The following GALNT13 variants were observed in gnomAD, a reference collection of about 807,000 sequenced individuals.
GALNT13 encodes polypeptide N-acetylgalactosaminyltransferase 13.
In GALNT13, 28 loss-of-function variants were observed where a neutral mutation model predicts 64.2. The ratio of observed to expected loss-of-function variants is 0.44; its 90% CI spans 0.32 to 0.60. The LOEUF is 0.60. GALNT13 is among the 20% of genes least tolerant of loss of function. The pLI is 0.05. For missense variants in GALNT13, 577 were observed against 669.8 expected (o/e 0.86, Z 1.53); for synonymous variants, 214 against 224.6 (o/e 0.95, Z 0.42).
chr2:154,318,188 TATG>T (rs1169697061), intron 9 of GALNT13, among the ~76,000 whole-genome samples: 4 of 151,616 alleles, frequency 2.6e-5, no homozygotes, highest in African/African-American at 7.3e-5. Flanking sequence ...TCCCTGGCTT[TATG>T]ATAATAAGAA....
the GALNT13 span, among the ~76,000 whole-genome samples, chr2:153,630,527 T>C: frequency 6.6e-4 from 94 of 142,090 alleles, no homozygotes; most frequent in African/African-American, 2.2e-3. Context: ...AGGGATAGCA[T>C]TGGGAGATAT....
the GALNT13 span, among the ~76,000 whole-genome samples, chr2:153,134,195 T>A: frequency 6.6e-6 from 1 of 152,188 alleles, no homozygotes; most frequent in Non-Finnish European, 1.5e-5. Flanking sequence ...AGTTAAAAGT[T>A]ATCTCAAATC....
the GALNT13 span, among the ~76,000 whole-genome samples, chr2:153,402,422 C>CA: frequency 1.3e-5 from 2 of 151,408 alleles, no homozygotes; most frequent in African/African-American, 4.9e-5. Context: ...TTGCTCTTCT[C>CA]AAGGAGTATC....
the GALNT13 span, among the ~76,000 whole-genome samples, chr2:153,163,261 G>A: frequency 1.3e-5 from 2 of 152,118 alleles, no homozygotes; most frequent in Non-Finnish European, 2.9e-5. Flanking sequence ...AACCACCAGG[G>A]GGTAGTCTGG....
At chr2:154,117,030 C>A (rs1681609102) in intron 3 of GALNT13, among the ~76,000 whole-genome samples, 1 of 152,134 alleles carries the variant, frequency 6.6e-6, no homozygotes, top group Non-Finnish European at 1.5e-5. Flanking sequence ...GTCCGATGTT[C>A]AAGGGCAGGA....
At chr2:153,232,475 A>G in the GALNT13 span, among the ~76,000 whole-genome samples, 4 of 152,152 alleles carry the variant, frequency 2.6e-5, no homozygotes, top group African/African-American at 9.7e-5. Context: ...TTTAGAACAC[A>G]CTCACCACAG....
intron 9 of GALNT13, among the ~76,000 whole-genome samples, chr2:154,317,813 A>C (rs551670720): frequency 3.2e-3 from 481 of 152,250 alleles, no homozygotes; most frequent in Non-Finnish European, 5.7e-3. Flanking sequence ...CATTGAGCAC[A>C]CTGACCCTGG....
intron 3 of GALNT13, among the ~76,000 whole-genome samples, chr2:153,970,931 C>T (rs1693694145): frequency 6.6e-6 from 1 of 152,134 alleles, no homozygotes; most frequent in African/African-American, 2.4e-5. Context: ...TCTTTGCTAG[C>T]TCCCCAATAC....
At chr2:153,624,944 G>A in the GALNT13 span, among the ~76,000 whole-genome samples, 16 of 152,030 alleles carry the variant, frequency 1.1e-4, no homozygotes, top group South Asian at 1.2e-3. Flanking sequence ...CAATACTGGC[G>A]TTTTGAGTTG....
At chr2:153,669,480 G>T in the GALNT13 span, among the ~76,000 whole-genome samples, 5 of 152,062 alleles carry the variant, frequency 3.3e-5, no homozygotes, top group Admixed American at 6.5e-5. Context: ...AAACAAACCT[G>T]CACATGTATC....
At chr2:154,069,324 A>T (rs914002015) in intron 3 of GALNT13, among the ~76,000 whole-genome samples, 3 of 151,730 alleles carry the variant, frequency 2.0e-5, no homozygotes, top group Non-Finnish European at 2.9e-5. Context: ...AGTCAATATT[A>T]AAAAAAATAA....
chr2:154,139,653 C>CAT (rs1553483550), intron 3 of GALNT13, among the ~76,000 whole-genome samples: 5 of 149,754 alleles, frequency 3.3e-5, no homozygotes, highest in Admixed American at 1.3e-4. Flanking sequence ...CACACACACA[C>CAT]CCCTTGAAAC....
At chr2:153,892,359 A>G (rs992960529) in intron 1 of GALNT13, among the ~76,000 whole-genome samples, 1 of 152,102 alleles carries the variant, frequency 6.6e-6, no homozygotes, top group Non-Finnish European at 1.5e-5. Flanking sequence ...TAATGAGGAT[A>G]TAAAAATATT....
chr2:153,543,396 A>G, the GALNT13 span, among the ~76,000 whole-genome samples: 1 of 152,260 alleles, frequency 6.6e-6, no homozygotes, highest in African/African-American at 2.4e-5. Flanking sequence ...ATAAGATGCT[A>G]TCTTTCTCTA....
intron 4 of GALNT13, among the ~76,000 whole-genome samples, chr2:154,167,112 A>T (rs1685075645): frequency 6.6e-6 from 1 of 152,188 alleles, no homozygotes; most frequent in South Asian, 2.1e-4. Flanking sequence ...TGTATTGTAG[A>T]ATTTAAAGTA....
At chr2:153,244,594 TA>T in the GALNT13 span, among the ~76,000 whole-genome samples, 1 of 152,214 alleles carries the variant, frequency 6.6e-6, no homozygotes, top group Non-Finnish European at 1.5e-5. Flanking sequence ...ACTGTGCAAC[TA>T]AGGCCAGATG....
At chr2:154,354,405 C>CTTTTTTTTTTTTT (rs546187850) in intron 9 of GALNT13, among the ~76,000 whole-genome samples, 1 of 60,360 alleles carries the variant, frequency 1.7e-5, no homozygotes, top group African/African-American at 6.9e-5. Context: ...TGATGTAGTC[C>CTTTTTTTTTTTTT]TTTTTTTTTT....
intron 3 of GALNT13, among the ~76,000 whole-genome samples, chr2:154,135,734 G>A (rs907159420): frequency 3.9e-5 from 6 of 152,108 alleles, no homozygotes; most frequent in African/African-American, 1.4e-4. Context: ...AGGCTAAGGA[G>A]GGAGGATCCC....
At chr2:154,385,537 T>C (rs753304398) in intron 9 of GALNT13, among the ~76,000 whole-genome samples, 11 of 152,062 alleles carry the variant, frequency 7.2e-5, no homozygotes, top group African/African-American at 1.4e-4. Flanking sequence ...TTTCTAAGTA[T>C]ACTTAATAAA....
Sources: allele counts gnomAD v4.1 joint callset (sites outside exome capture counted in the v4.1 genomes callset), GRCh38; gene constraint gnomAD v4.1.1; transcripts MANE v1.5; gene names NCBI Gene and HGNC (gene_info 2026-07-23, HGNC 2026-07-21).